The following IL1RAP variants were observed in gnomAD, a reference collection of about 807,000 sequenced individuals.
The protein encoded by IL1RAP is interleukin-1 receptor accessory protein.
IL1RAP carries 35 observed loss-of-function variants against 60.7 expected under a neutral mutation model. That is an observed-to-expected ratio of 0.58 (90% confidence interval 0.44 to 0.76). IL1RAP has a LOEUF of 0.76. Among genes scored for constraint, IL1RAP ranks in the 30% least tolerant of loss-of-function variants. The probability of loss-of-function intolerance (pLI) is 0.00; values close to 1 mark genes in which losing one functional copy is unlikely to be tolerated. For missense variants in IL1RAP, 572 were observed against 693.9 expected (o/e 0.82, Z 1.97); for synonymous variants, 268 against 250.9 (o/e 1.07, Z -0.64).
intron 5 of IL1RAP, among the ~76,000 whole-genome samples, chr3:190,616,755 G>A (rs927941057): frequency 1.7e-4 from 26 of 151,942 alleles, no homozygotes; most frequent in African/African-American, 5.1e-4. Flanking sequence ...TTATACACTC[G>A]ATGAGCCCTC....
chr3:190,604,201 G>T lies in IL1RAP; in HGVS notation c.138G>T (p.Lys46Asn), dbSNP rs1730097730. The T allele has an allele frequency of 6.2e-7, 1 of 1,613,940 alleles. No individual in the cohort carries two copies. Among genetic ancestry groups the T allele is most frequent in the South Asian group, 1.1e-5 (1 of 91,084 alleles). ...QVFEDEPARIKCPLFEHFLKF... is the reference protein window; with the variant it reads ...QVFEDEPARINCPLFEHFLKF... ...TTGAAGATGAGCCAGCTCGCATCAAGTGCCCACTCTTTGAACACTTCTTGA... is the reference window on the plus strand; with the variant it reads ...TTGAAGATGAGCCAGCTCGCATCAATTGCCCACTCTTTGAACACTTCTTGA... Residue 46 changes from lysine (K) to asparagine (N), a missense_variant, in exon 4 of 12, where the codon AAG becomes AAT. Physicochemically the swap from Lys to Asn is moderately conservative, Grantham distance 94 (BLOSUM62 0). Coordinates refer to ENST00000447382, the MANE Select transcript of IL1RAP (RefSeq NM_002182.4).
At chr3:190,558,756 A>G (rs1317524607) in intron 2 of IL1RAP, among the ~76,000 whole-genome samples, 1 of 152,076 alleles carries the variant, frequency 6.6e-6, no homozygotes, top group African/African-American at 2.4e-5. Flanking sequence ...TCTTTCTGGG[A>G]TTTTGATTGG....
At chr3:190,568,656 G>A (rs931150388) in intron 3 of IL1RAP, among the ~76,000 whole-genome samples, 1 of 152,084 alleles carries the variant, frequency 6.6e-6, no homozygotes, top group African/African-American at 2.4e-5. Flanking sequence ...TTTTGTCATT[G>A]CATCCTTATT....
At chr3:190,609,328 G>T in intron 5 of IL1RAP, 147 bp downstream of exon 5, 1 of 550,786 alleles carries the variant, frequency 1.8e-6, no homozygotes, top group Non-Finnish European at 3.1e-6. Flanking sequence ...ATTTCAGCAC[G>T]TCCTCATTTT....
At chr3:190,605,641 G>A (rs191560462) in intron 4 of IL1RAP, among the ~76,000 whole-genome samples, 114 of 152,190 alleles carry the variant, frequency 7.5e-4, no homozygotes, top group African/African-American at 2.7e-3. Flanking sequence ...CAAGATCAGG[G>A]TGTTGGCAGG....
intron 10 of IL1RAP, 61 bp from the exon 11 acceptor site, chr3:190,645,638 A>C: frequency 1.5e-6 from 2 of 1,366,850 alleles, no homozygotes; most frequent in Non-Finnish European, 2.0e-6. Flanking sequence ...AGATTTAAGA[A>C]AAATGTAATG....
intron 4 of IL1RAP, among the ~76,000 whole-genome samples, chr3:190,606,178 A>G (rs773240245): frequency 6.6e-6 from 1 of 152,096 alleles, no homozygotes; most frequent in Non-Finnish European, 1.5e-5. Flanking sequence ...AGACTGGTAT[A>G]TGGGTTTCTG....
intron 3 of IL1RAP, among the ~76,000 whole-genome samples, chr3:190,584,633 G>T (rs555237497): frequency 3.3e-5 from 5 of 152,148 alleles, no homozygotes; most frequent in African/African-American, 1.2e-4. Flanking sequence ...GGACCATTTT[G>T]TCATATGTAT....
chr3:190,564,675 G>A (rs1016935449), intron 3 of IL1RAP: 7 of 300,486 alleles, frequency 2.3e-5, no homozygotes, highest in African/African-American at 1.5e-4. Flanking sequence ...AAAAATGGGA[G>A]TGATAATAGC....
downstream of IL1RAP, among the ~76,000 whole-genome samples, chr3:190,654,494 A>G (rs533392865): frequency 1.3e-5 from 2 of 152,340 alleles, no homozygotes; most frequent in East Asian, 3.9e-4. Context: ...ATGAAACAAA[A>G]TGTCTCTAAA....
intron 1 of IL1RAP, among the ~76,000 whole-genome samples, chr3:190,534,334 G>T (rs1723246713): frequency 6.6e-6 from 1 of 151,660 alleles, no homozygotes; most frequent in Non-Finnish European, 1.5e-5. Context: ...ATCATGTTTG[G>T]ATATTTCAAA....
chr3:190,599,466 A>G (rs151028313), intron 3 of IL1RAP, among the ~76,000 whole-genome samples: 2 of 147,838 alleles, frequency 1.4e-5, no homozygotes, highest in Non-Finnish European at 3.0e-5. Flanking sequence ...AACCATTCTC[A>G]TTCCTAATAT....
chr3:190,631,125 G>A (rs1285347561), intron 9 of IL1RAP, among the ~76,000 whole-genome samples: 1 of 152,160 alleles, frequency 6.6e-6, no homozygotes. Flanking sequence ...GGGAATATCT[G>A]CGGGAAGTTG....
intron 3 of IL1RAP, among the ~76,000 whole-genome samples, chr3:190,596,179 TTATACTTA>T (rs1729364059): frequency 6.6e-6 from 1 of 152,232 alleles, no homozygotes; most frequent in African/African-American, 2.4e-5. Context: ...TCCTGATTTT[TTATACTTA>T]TATGTCTGTC....
chr3:190,627,808 G>T (rs1297169630), intron 8 of IL1RAP, among the ~76,000 whole-genome samples: 1 of 152,128 alleles, frequency 6.6e-6, no homozygotes, highest in African/African-American at 2.4e-5. Context: ...GAATAAAAAG[G>T]TCACAATCAA....
chr3:190,647,411 A>G (rs1184635945), intron 11 of IL1RAP, among the ~76,000 whole-genome samples: 3 of 152,248 alleles, frequency 2.0e-5, no homozygotes, highest in Non-Finnish European at 4.4e-5. Context: ...GTAAAGGACT[A>G]TGCAATCCTC....
At chr3:190,656,089 A>C, downstream of IL1RAP, 1 of 1,537,284 alleles carries the variant, frequency 6.5e-7, no homozygotes, top group Non-Finnish European at 8.7e-7. Context: ...TCTTCAGCTC[A>C]AAGAGTCTGT....
In IL1RAP at chr3:190,648,681, G is replaced by A. The variant is rs367975332; in HGVS notation, c.1689G>A (p.Ser563=). ...CTAGCAGTGATGAGCAGGGCCTCTC[G>A]TATTCATCTTTGAAAAATGTATGAA... ...RRSSSDEQGL[S]YSSLKNV is the part of the protein sequence containing the mutation. The change falls in exon 12 of 12, where the codon TCG becomes TCA. Residue 563 remains serine, a synonymous_variant. Coordinates refer to ENST00000447382, the MANE Select transcript of IL1RAP (RefSeq NM_002182.4). 8.7e-6 allele frequency: 14 copies of A among 1,610,508 alleles called. No homozygotes were observed. Among genetic ancestry groups the A allele is most frequent in the Middle Eastern group, 1.7e-4 (1 of 6,054 alleles).
At chr3:190,581,615 A>G (rs1728003379) in intron 3 of IL1RAP, among the ~76,000 whole-genome samples, 1 of 152,196 alleles carries the variant, frequency 6.6e-6, no homozygotes, top group Non-Finnish European at 1.5e-5. Flanking sequence ...ATATTTTTCA[A>G]AATCAGTTGC....
Sources: allele counts gnomAD v4.1 joint callset (sites outside exome capture counted in the v4.1 genomes callset), GRCh38; gene constraint gnomAD v4.1.1; transcripts MANE v1.5; gene names NCBI Gene and HGNC (gene_info 2026-07-23, HGNC 2026-07-21).